Variants in EFCAB3 observed in about 807,000 individuals in gnomAD.
EFCAB3 encodes the protein EF-hand calcium binding domain 3, also known as EF-hand calcium-binding domain-containing protein 3.
A neutral mutation model predicts 42.2 loss-of-function variants in EFCAB3; 36 were observed. The ratio of observed to expected loss-of-function variants is 0.85; its 90% CI spans 0.65 to 1.13. EFCAB3 has a LOEUF of 1.13. EFCAB3 is among the 50% of genes most tolerant of loss of function. The probability of loss-of-function intolerance (pLI) is 0.00; values close to 1 mark genes in which losing one functional copy is unlikely to be tolerated. For synonymous variants in EFCAB3, 170 were observed against 172.8 expected (o/e 0.98, Z 0.13); for missense variants, 418 against 505.1 (o/e 0.83, Z 1.65).
chr17:62,393,164 A>G (rs2070318896), intron 4 of EFCAB3, among the ~76,000 whole-genome samples: 1 of 152,218 alleles, frequency 6.6e-6, no homozygotes. Flanking sequence ...AAACATACAC[A>G]TACCCCTCTA....
intron 2 of EFCAB3, among the ~76,000 whole-genome samples, chr17:62,383,572 C>G (rs1248270218): frequency 6.6e-6 from 1 of 152,006 alleles, no homozygotes; most frequent in African/African-American, 2.4e-5. Flanking sequence ...AGTTATAAAA[C>G]AAAACATCGG....
chr17:62,406,529 C>G lies in EFCAB3; in HGVS notation c.538C>G (p.Pro180Ala). The G allele has an allele frequency of 6.2e-7, 1 of 1,613,658 alleles. No individual in the cohort carries two copies. Among genetic ancestry groups the G allele is most frequent in the Non-Finnish European group, 8.5e-7 (1 of 1,179,852 alleles). Residue 180 changes from proline (P) to alanine (A), a missense_variant, in exon 7 of 10, where the codon CCC becomes GCC. Coordinates refer to ENST00000305286, the MANE Select transcript of EFCAB3 (RefSeq NM_173503.4). ...TACTGGCCCAGGAATGTTGTGGAGT[C>G]CCTACACTATGGGCTATGGAAAAAG... is the stretch of plus-strand genomic sequence containing the variant. Reference protein sequence around the residue: ...QHTGPGMLWSPYTMGYGKRTL... With the variant: ...QHTGPGMLWSAYTMGYGKRTL...
At chr17:62,384,076 G>C (rs2070227360) in intron 2 of EFCAB3, among the ~76,000 whole-genome samples, 1 of 152,078 alleles carries the variant, frequency 6.6e-6, no homozygotes, top group South Asian at 2.1e-4. Context: ...TATTTTGAGT[G>C]TATCTTTTCT....
chr17:62,394,487 C>G (rs1051449682), intron 5 of EFCAB3, among the ~76,000 whole-genome samples: 1 of 152,086 alleles, frequency 6.6e-6, no homozygotes, highest in Non-Finnish European at 1.5e-5. Flanking sequence ...TCACGTGCTT[C>G]CACTAACTAA....
chr17:62,408,866 CT>C (rs1398061182), intron 8 of EFCAB3, among the ~76,000 whole-genome samples: 1 of 152,176 alleles, frequency 6.6e-6, no homozygotes, highest in African/African-American at 2.4e-5. Flanking sequence ...GCTATTTCTT[CT>C]GCTCTAATGT....
chr17:62,371,047 G>C (rs1298872767), intron 1 of EFCAB3, among the ~76,000 whole-genome samples: 2 of 151,636 alleles, frequency 1.3e-5, no homozygotes, highest in Non-Finnish European at 2.9e-5. Flanking sequence ...AGCTATGATT[G>C]CACCGCTGCA....
chr17:62,381,755 C>G (rs1051670547), intron 1 of EFCAB3: 3 of 383,686 alleles, frequency 7.8e-6, no homozygotes, highest in Admixed American at 5.7e-5. Flanking sequence ...TCCTGGACAG[C>G]GTAGGCATCG....
At chr17:62,388,613 C>T (rs941935634) in intron 3 of EFCAB3, among the ~76,000 whole-genome samples, 1 of 152,182 alleles carries the variant, frequency 6.6e-6, no homozygotes, top group African/African-American at 2.4e-5. Flanking sequence ...CCACCTTGAC[C>T]AGCCCTGACA....
intron 1 of EFCAB3, among the ~76,000 whole-genome samples, chr17:62,372,054 A>G (rs1394416807): frequency 1.3e-5 from 2 of 152,178 alleles, no homozygotes; most frequent in African/African-American, 4.8e-5. Context: ...CTAGGAATAC[A>G]AGGATGAAGA....
At chr17:62,397,701 A>G in intron 6 of EFCAB3, 1 of 544,762 alleles carries the variant, frequency 1.8e-6, no homozygotes, top group Admixed American at 2.3e-5. Context: ...GAGAAAAACG[A>G]TAAAGTTCTT....
chr17:62,409,435 T>TTAG (rs2070475821), intron 8 of EFCAB3, among the ~76,000 whole-genome samples: 1 of 152,166 alleles, frequency 6.6e-6, no homozygotes, highest in African/African-American at 2.4e-5. Flanking sequence ...ATTAGGAGGC[T>TTAG]GAGGGAAGAG....
At chr17:62,372,869 A>G (rs1372054416) in intron 1 of EFCAB3, among the ~76,000 whole-genome samples, 1 of 152,182 alleles carries the variant, frequency 6.6e-6, no homozygotes, top group Non-Finnish European at 1.5e-5. Context: ...CCAACATGTC[A>G]TGCTCCAAAC....
intron 6 of EFCAB3, chr17:62,397,382 C>T (rs527345511): frequency 1.3e-4 from 50 of 376,152 alleles, no homozygotes; most frequent in South Asian, 8.0e-4. Context: ...CACTCAGGCC[C>T]GTGGTGCCAG....
chr17:62,375,273 T>C (rs1274741810), intron 2 of EFCAB3, among the ~76,000 whole-genome samples: 1 of 152,198 alleles, frequency 6.6e-6, no homozygotes, highest in Non-Finnish European at 1.5e-5. Flanking sequence ...AGAAAAAATA[T>C]CTACCTTTTA....
At chr17:62,407,299 A>G (rs2144108065) in intron 8 of EFCAB3, 87 bp downstream of exon 8, 4 of 1,211,336 alleles carry the variant, frequency 3.3e-6, no homozygotes, top group East Asian at 2.6e-5. Context: ...TTTTACAACA[A>G]ATAGTTTTAG....
intron 8 of EFCAB3, among the ~76,000 whole-genome samples, chr17:62,410,642 A>T (rs1184334915): frequency 6.6e-6 from 1 of 152,074 alleles, no homozygotes; most frequent in Non-Finnish European, 1.5e-5. Flanking sequence ...AAAATGACAA[A>T]CATTCAAAAA....
At chr17:62,409,060 T>G (rs2070472361) in intron 8 of EFCAB3, among the ~76,000 whole-genome samples, 1 of 152,186 alleles carries the variant, frequency 6.6e-6, no homozygotes, top group African/African-American at 2.4e-5. Flanking sequence ...AATTTTCACT[T>G]TAATAATTTT....
At chr17:62,393,977 C>T (rs142742979) in intron 5 of EFCAB3, among the ~76,000 whole-genome samples, 6,397 of 148,458 alleles carry the variant, frequency 0.043, 480 homozygotes, top group African/African-American at 0.15. Context: ...TTTTTTGAGA[C>T]GGAGTCTTGC....
chr17:62,373,692 A>G, intron 1 of EFCAB3: 1 of 627,332 alleles, frequency 1.6e-6, no homozygotes, highest in South Asian at 1.9e-5. Context: ...AAAGCAAACC[A>G]ATGTTTCTAG....
Sources: gnomAD v4.1 joint callset for allele counts (sites outside exome capture counted in the v4.1 genomes callset) on GRCh38, gnomAD v4.1.1 for gene constraint, MANE v1.5 for transcripts, NCBI Gene and HGNC (gene_info 2026-07-23, HGNC 2026-07-21) for gene names.